The following TIAM1 variants were observed in gnomAD, a reference collection of about 807,000 sequenced individuals.
TIAM1 encodes rho guanine nucleotide exchange factor TIAM1.
A neutral mutation model predicts 163.5 loss-of-function variants in TIAM1; 65 were observed. The ratio of observed to expected loss-of-function variants is 0.40; its 90% CI spans 0.33 to 0.49. The LOEUF (loss-of-function observed/expected upper bound fraction) is 0.49. TIAM1 is among the 20% of genes least tolerant of loss of function. TIAM1 has a pLI of 0.77. For synonymous variants in TIAM1, 833 were observed against 810.1 expected (o/e 1.03, Z -0.48); for missense variants, 1,789 against 2,044.7 (o/e 0.87, Z 2.41).
chr21:31,466,318 C>T (rs2045529974), intron 1 of TIAM1, among the ~76,000 whole-genome samples: 1 of 152,190 alleles, frequency 6.6e-6, no homozygotes, highest in South Asian at 2.1e-4. Context: ...GCTAAATCAA[C>T]TTAACAGGAT....
chr21:31,123,304 G>A (rs1170765225), intron 27 of TIAM1, among the ~76,000 whole-genome samples: 2 of 152,052 alleles, frequency 1.3e-5, no homozygotes, highest in Non-Finnish European at 2.9e-5. Context: ...CAAACAAGAG[G>A]GGCAGATAAG....
At chr21:31,326,953 C>A (rs2147050775) in intron 2 of TIAM1, among the ~76,000 whole-genome samples, 1 of 152,306 alleles carries the variant, frequency 6.6e-6, no homozygotes, top group African/African-American at 2.4e-5. Context: ...GGGTCATATG[C>A]CAAAACGTTC....
At chr21:31,553,441 C>T (rs1862553685) in intron 1 of TIAM1, among the ~76,000 whole-genome samples, 1 of 152,114 alleles carries the variant, frequency 6.6e-6, no homozygotes, top group Non-Finnish European at 1.5e-5. Flanking sequence ...AAGTTTCAAA[C>T]AAAACAAAAC....
intron 6 of TIAM1, among the ~76,000 whole-genome samples, chr21:31,235,902 G>T (rs952492865): frequency 1.3e-5 from 2 of 152,182 alleles, no homozygotes; most frequent in Non-Finnish European, 2.9e-5. Context: ...TATTCATTTT[G>T]CACTTCAACA....
chr21:31,377,170 C>T (rs1257765263), intron 2 of TIAM1, among the ~76,000 whole-genome samples: 1 of 132,632 alleles, frequency 7.5e-6, no homozygotes, highest in Non-Finnish European at 1.6e-5. Context: ...TGAGCCACTG[C>T]ACCTGGCTGA....
At chr21:31,557,738 G>A (rs1470918900) in intron 1 of TIAM1, among the ~76,000 whole-genome samples, 2 of 152,184 alleles carry the variant, frequency 1.3e-5, no homozygotes, top group African/African-American at 4.8e-5. Flanking sequence ...GTCCCCAAGG[G>A]CTCGCGCACG....
chr21:31,423,090 C>CTTTTTTTTT (rs11356685), intron 2 of TIAM1, among the ~76,000 whole-genome samples: 1 of 54,578 alleles, frequency 1.8e-5, no homozygotes, highest in Non-Finnish European at 3.0e-5. Flanking sequence ...ACAGCACTAT[C>CTTTTTTTTT]TTTTTTTTTT....
At chr21:31,290,281 G>A (rs573891044) in intron 2 of TIAM1, among the ~76,000 whole-genome samples, 84 of 151,958 alleles carry the variant, frequency 5.5e-4, no homozygotes, top group East Asian at 1.9e-3. Context: ...ATACAGGGCC[G>A]ATCTGGGACC....
chr21:31,453,716 A>G (rs2044971328), intron 2 of TIAM1, among the ~76,000 whole-genome samples: 1 of 150,646 alleles, frequency 6.6e-6, no homozygotes. Context: ...ATAAATAAAT[A>G]AATAAATAAA....
At chr21:31,318,812 G>A (rs2075210934) in intron 2 of TIAM1, among the ~76,000 whole-genome samples, 1 of 152,168 alleles carries the variant, frequency 6.6e-6, no homozygotes, top group Non-Finnish European at 1.5e-5. Context: ...CATTCAGGAT[G>A]CTTCCTCCAT....
rs368746908 is a variant in TIAM1, at chr21:31,131,766, AC to A, written c.3884-819del. Among the ~76,000 whole-genome samples, 173 of 152,192 alleles carry A rather than the reference AC, an allele frequency of 1.1e-3. 1 individual carries two copies. The highest frequency in any genetic ancestry group is 3.9e-3 in the African/African-American group (162 of 41,526). ...CAAAATTCATACCTTGAAACTAATC[AC>A]CCTTGTGATGGTTTCAGGAGGTGGG... On this transcript the variant is annotated intron_variant, in intron 23 of 27. Coordinates refer to ENST00000541036, the MANE Select transcript of TIAM1 (RefSeq NM_001353694.2).
At chr21:31,410,279 CTG>C (rs200838998) in intron 2 of TIAM1, among the ~76,000 whole-genome samples, 2,505 of 151,176 alleles carry the variant, frequency 0.017, 50 homozygotes, top group Non-Finnish European at 0.019. Flanking sequence ...GTGTGTCAGA[CTG>C]TGTGTCTGAT....
chr21:31,150,528 A>G (rs1353546974), intron 19 of TIAM1, among the ~76,000 whole-genome samples: 2 of 152,206 alleles, frequency 1.3e-5, no homozygotes, highest in African/African-American at 2.4e-5. Context: ...TTGGATATTC[A>G]TACACACACA....
In TIAM1 at chr21:31,210,678, A is replaced by G. The variant is rs1411696099; in HGVS notation, c.2218-463T>C. ...GAAAGAAAGAAAGAAAAAGAAAGAA[A>G]GAAAGAAAAAGAAAGAAAGAAAGAA... On this transcript the variant is annotated intron_variant, in intron 10 of 27. Coordinates refer to ENST00000541036, the MANE Select transcript of TIAM1 (RefSeq NM_001353694.2). 4.9e-4 allele frequency among the ~76,000 whole-genome samples: 46 copies of G among 94,472 alleles called. 2 individuals carry two copies. The highest frequency in any genetic ancestry group is 2.6e-3 in the African/African-American group (43 of 16,460). The allele number at this position is 94,472 out of a possible 152,430, so 62.0% of individuals were successfully genotyped here.
intron 12 of TIAM1, among the ~76,000 whole-genome samples, chr21:31,200,490 A>G (rs73351525): frequency 0.024 from 3,619 of 152,298 alleles, 160 homozygotes; most frequent in African/African-American, 0.083. Context: ...TTTTCATATC[A>G]TGTTTTAGCT....
At chr21:31,186,026 C>T (rs1318956822) in intron 14 of TIAM1, among the ~76,000 whole-genome samples, 1 of 152,180 alleles carries the variant, frequency 6.6e-6, no homozygotes, top group Non-Finnish European at 1.5e-5. Context: ...TATTTTAAGC[C>T]ACCCAGTGTG....
At chr21:31,225,647 C>T in intron 7 of TIAM1, 79 bp downstream of exon 7, 1 of 1,250,088 alleles carries the variant, frequency 8.0e-7, no homozygotes, top group Non-Finnish European at 1.1e-6. Flanking sequence ...TTTCACGATT[C>T]CAAAACAGCA....
Position 31,252,144 on chromosome 21 carries a change from C to G in TIAM1, c.1009G>C (p.Glu337Gln). Residue 337 changes from glutamate to glutamine, a missense_variant, in exon 5 of 28, where the codon GAA (glutamate) becomes CAA (glutamine). Transcript: ENST00000541036. ...EGSEFADSGI[E>Q]GATTDTDLLS... ...AGGTCCGTGTCGGTAGTGGCCCCTT[C>G]AATCCCACTGTCTGCAAACTCACTG... The G allele has an allele frequency of 3.7e-6, 6 of 1,611,130 alleles. No homozygotes were observed. The highest frequency in any genetic ancestry group is 5.1e-6 in the Non-Finnish European group (6 of 1,179,994).
At chr21:31,185,666 A>G (rs982887273) in intron 14 of TIAM1, among the ~76,000 whole-genome samples, 1 of 146,866 alleles carries the variant, frequency 6.8e-6, no homozygotes, top group Non-Finnish European at 1.5e-5. Context: ...TAATTACAAT[A>G]TCATCATTAT....
Sources: allele counts gnomAD v4.1 joint callset (sites outside exome capture counted in the v4.1 genomes callset), GRCh38; gene constraint gnomAD v4.1.1; transcripts MANE v1.5; gene names NCBI Gene and HGNC (gene_info 2026-07-23, HGNC 2026-07-21).